Variants in RAB28 observed in about 807,000 individuals in gnomAD.
RAB28 encodes ras-related protein Rab-28.
A neutral mutation model predicts 31.7 loss-of-function variants in RAB28; 24 were observed. The observed-to-expected ratio is 0.76, with a 90% confidence interval of 0.55 to 1.06. The LOEUF (loss-of-function observed/expected upper bound fraction) is 1.06. RAB28 is among the 50% of genes least tolerant of loss of function. The probability of loss-of-function intolerance (pLI) is 0.00; values close to 1 mark genes in which losing one functional copy is unlikely to be tolerated. For missense variants in RAB28, 254 were observed against 258.5 expected (o/e 0.98, Z 0.12); for synonymous variants, 100 against 90.4 (o/e 1.11, Z -0.60).
At chr4:13,376,730 T>A in intron 5 of RAB28, 108 bp from the exon 6 acceptor site, 1 of 610,098 alleles carries the variant, frequency 1.6e-6, no homozygotes, top group East Asian at 2.9e-5. Context: ...TGCAAAAATA[T>A]GATATAGCAG....
chr4:13,419,203 T>C (rs1193932657), intron 4 of RAB28, among the ~76,000 whole-genome samples: 2 of 152,010 alleles, frequency 1.3e-5, no homozygotes, highest in East Asian at 1.9e-4. Context: ...GAGCCAGCTA[T>C]CCTAAATATA....
intron 4 of RAB28, among the ~76,000 whole-genome samples, chr4:13,455,548 GA>G (rs1715252890): frequency 6.6e-6 from 1 of 152,192 alleles, no homozygotes; most frequent in East Asian, 1.9e-4. Context: ...CTGACCCCCA[GA>G]AGAGTGCACA....
At chr4:13,476,774 A>G (rs1435420070) in intron 2 of RAB28, among the ~76,000 whole-genome samples, 3 of 151,626 alleles carry the variant, frequency 2.0e-5, no homozygotes, top group Non-Finnish European at 4.4e-5. Flanking sequence ...CAAATTTCTA[A>G]CCAATAAAGA....
intron 4 of RAB28, chr4:13,459,670 T>G (rs1715483756): frequency 1.3e-6 from 1 of 784,336 alleles, no homozygotes; most frequent in Non-Finnish European, 1.5e-6. Context: ...TTCTCCCTAG[T>G]ACACTCTTTC....
intron 4 of RAB28, among the ~76,000 whole-genome samples, chr4:13,447,472 AAGAG>A (rs754227606): frequency 7.2e-5 from 11 of 151,896 alleles, no homozygotes; most frequent in East Asian, 3.9e-4. Context: ...TTATAAAAAA[AAGAG>A]AGAGAGAGAG....
At chr4:13,400,812 T>C (rs1385647851) in intron 4 of RAB28, among the ~76,000 whole-genome samples, 6 of 152,244 alleles carry the variant, frequency 3.9e-5, no homozygotes, top group African/African-American at 1.4e-4. Context: ...ATGCTTTTTA[T>C]GTTTCTGTTG....
At chr4:13,384,045 C>G (rs1324973206) in intron 4 of RAB28, among the ~76,000 whole-genome samples, 1 of 152,172 alleles carries the variant, frequency 6.6e-6, no homozygotes, top group Non-Finnish European at 1.5e-5. Flanking sequence ...CCGCCATGCA[C>G]CAGCCTCCCT....
At chr4:13,460,881 C>A in intron 3 of RAB28, 53 bp from the exon 4 acceptor site, 1 of 1,535,674 alleles carries the variant, frequency 6.5e-7, no homozygotes, top group Non-Finnish European at 8.9e-7. Context: ...GTGAAAAAAT[C>A]TTAATGAATA....
Position 13,401,457 on chromosome 4 carries a change from A to G in RAB28, c.392-19863T>C, listed in dbSNP as rs1413326362. ...GGGTTGATGGGTGCAGCAAACCACT[A>G]TGGCATGTGTAAAACTACGTAACAA... On this transcript the variant is annotated intron_variant, in intron 4 of 6. Coordinates refer to ENST00000330852, the MANE Select transcript of RAB28 (RefSeq NM_001017979.3). Among the ~76,000 whole-genome samples, 3 of 152,238 alleles carry G rather than the reference A, an allele frequency of 2.0e-5. No homozygotes were observed. The East Asian group carries it at 5.8e-4, about 29-fold the overall frequency.
chr4:13,440,061 T>A (rs1714332197), intron 4 of RAB28, among the ~76,000 whole-genome samples: 4 of 152,192 alleles, frequency 2.6e-5, no homozygotes, highest in Admixed American at 2.6e-4. Context: ...CTAAAAATTT[T>A]CTCCAGGACA....
chr4:13,381,326 T>G (rs1274229468), intron 5 of RAB28, among the ~76,000 whole-genome samples, 165 bp downstream of exon 5: 3 of 152,094 alleles, frequency 2.0e-5, no homozygotes, highest in African/African-American at 7.2e-5. Context: ...AAATAAATTA[T>G]AAAAGTAATA....
intron 4 of RAB28, among the ~76,000 whole-genome samples, chr4:13,419,961 T>A (rs1334452655): frequency 2.0e-5 from 3 of 150,650 alleles, no homozygotes; most frequent in African/African-American, 7.3e-5. Flanking sequence ...AATCAATGAA[T>A]CCAGGAGCTG....
chr4:13,441,758 T>C (rs1178451500), intron 4 of RAB28, among the ~76,000 whole-genome samples: 1 of 152,250 alleles, frequency 6.6e-6, no homozygotes, highest in Non-Finnish European at 1.5e-5. Flanking sequence ...CATGTTTTCT[T>C]TAAGTAAAAG....
chr4:13,385,362 G>A (rs1023907277), intron 4 of RAB28, among the ~76,000 whole-genome samples: 4 of 152,072 alleles, frequency 2.6e-5, no homozygotes, highest in Non-Finnish European at 5.9e-5. Context: ...ACCCCAGTAA[G>A]ATACTTCACA....
At chr4:13,424,395 C>T (rs754990736) in intron 4 of RAB28, among the ~76,000 whole-genome samples, 3 of 152,190 alleles carry the variant, frequency 2.0e-5, no homozygotes, top group Non-Finnish European at 4.4e-5. Context: ...CTGCCTCCAT[C>T]TTCACATAAC....
chr4:13,436,296 A>T (rs1714103580), intron 4 of RAB28, among the ~76,000 whole-genome samples: 1 of 152,200 alleles, frequency 6.6e-6, no homozygotes, highest in Admixed American at 6.5e-5. Context: ...GAACTGCAAC[A>T]AGACAAGGAA....
At chr4:13,462,217 C>G (rs913562702) in intron 3 of RAB28, among the ~76,000 whole-genome samples, 1 of 152,122 alleles carries the variant, frequency 6.6e-6, no homozygotes, top group Non-Finnish European at 1.5e-5. Context: ...GCAGGGGTGA[C>G]AGTTTGCCGT....
intron 4 of RAB28, among the ~76,000 whole-genome samples, chr4:13,399,012 A>G (rs1577174366): frequency 6.6e-6 from 1 of 152,178 alleles, no homozygotes; most frequent in African/African-American, 2.4e-5. Flanking sequence ...ACTATTCTAT[A>G]GGCATTTTAC....
At chr4:13,392,529 T>C (rs1729685064) in intron 4 of RAB28, among the ~76,000 whole-genome samples, 1 of 152,158 alleles carries the variant, frequency 6.6e-6, no homozygotes, top group South Asian at 2.1e-4. Flanking sequence ...TATTTACAGA[T>C]TCATCTGGAA....
Sources: allele counts gnomAD v4.1 joint callset (sites outside exome capture counted in the v4.1 genomes callset), GRCh38; gene constraint gnomAD v4.1.1; transcripts MANE v1.5; gene names NCBI Gene and HGNC (gene_info 2026-07-23, HGNC 2026-07-21).